The following IRAK4 variants were observed in gnomAD, a reference collection of about 807,000 sequenced individuals.
IRAK4 encodes the protein interleukin-1 receptor-associated kinase 4.
Under a neutral mutation model 51.8 loss-of-function variants are expected in IRAK4, and 44 were observed. The ratio of observed to expected loss-of-function variants is 0.85; its 90% CI spans 0.67 to 1.09. The LOEUF (loss-of-function observed/expected upper bound fraction) is 1.09. Ranked by LOEUF, IRAK4 falls within the 50% of genes least tolerant of loss-of-function variation. IRAK4 has a pLI of 0.00. For synonymous variants in IRAK4, 149 were observed against 174.1 expected, an observed-to-expected ratio of 0.86 and a Z score of 1.13; for missense variants, 487 against 538.0, an observed-to-expected ratio of 0.91 and a Z score of 0.94.
Position 43,778,219 on chromosome 12 carries a change from C to T in IRAK4, c.858C>T (p.His286=). 6.2e-7 allele frequency: 1 copy of T among 1,608,872 alleles called. No homozygotes were observed. Among genetic ancestry groups the T allele is most frequent in the Non-Finnish European group, 8.5e-7 (1 of 1,175,332 alleles). Residue 286 remains histidine (H), a synonymous_variant, in exon 8 of 12, where the codon CAC becomes CAT. Transcript: ENST00000613694. ...CLDGTPPLSW[H]MRCKIAQGAA... ...ATGGTACTCCACCACTTTCTTGGCA[C>T]ATGAGATGCAAGATTGCTCAGGGTG...
chr12:43,775,601 A>T lies in IRAK4; in HGVS notation c.716+1572A>T, dbSNP rs548045244. ...CAACAGTCTAGCATATGTGAAAATC[A>T]TATTTTATTTAACCATAGCTAGGTT... On this transcript the variant is annotated intron_variant, in intron 6 of 11. Coordinates refer to ENST00000613694, the MANE Select transcript of IRAK4 (RefSeq NM_016123.4). Among the ~76,000 whole-genome samples, 35 of 152,312 alleles carry T rather than the reference A, an allele frequency of 2.3e-4. No homozygotes were observed. In the South Asian group the frequency reaches 6.4e-3, roughly 28 times the overall value.
intron 1 of IRAK4, among the ~76,000 whole-genome samples, chr12:43,760,106 C>T (rs4251425): frequency 0.072 from 10,905 of 152,188 alleles, 426 homozygotes; most frequent in Middle Eastern, 0.14. Context: ...AGTTTGCTTT[C>T]TACCTCTCCA....
Position 43,782,379 on chromosome 12 carries a change from G to A in IRAK4, c.1014G>A (p.Lys338=). 1 of 1,613,790 alleles carries A rather than the reference G, an allele frequency of 6.2e-7. No individual in the cohort carries two copies. The highest frequency in any genetic ancestry group is 8.5e-7 in the Non-Finnish European group (1 of 1,179,752). Reference sequence around the variant, plus strand: ...TTGGCCTTGCACGGGCTTCTGAGAAGTTTGCCCAGACAGTCATGACTAGCA... The same window carrying A: ...TTGGCCTTGCACGGGCTTCTGAGAAATTTGCCCAGACAGTCATGACTAGCA... ...SDFGLARASE[K]FAQTVMTSRI... The change falls in exon 9 of 12, where the codon AAG becomes AAA. Residue 338 remains lysine, a synonymous_variant. Coordinates refer to ENST00000613694, the MANE Select transcript of IRAK4 (RefSeq NM_016123.4).
At position 43,772,175 on chromosome 12, in the gene IRAK4, G is replaced by A; in HGVS notation, c.308-5G>A. On this transcript the variant is annotated splice_polypyrimidine_tract_variant and splice_region_variant and intron_variant, in intron 3 of 11. Transcript: ENST00000613694. ...AAACCACTTGTATCTTACTTCATTTGTTAGATGCTGTTCCCAAAACTGCTA... is the reference window on the plus strand; with the variant it reads ...AAACCACTTGTATCTTACTTCATTTATTAGATGCTGTTCCCAAAACTGCTA... 1 of 1,611,106 alleles carries A rather than the reference G, an allele frequency of 6.2e-7. No homozygotes were observed. The highest frequency in any genetic ancestry group is 8.5e-7 in the Non-Finnish European group (1 of 1,178,328).
intron 1 of IRAK4, among the ~76,000 whole-genome samples, chr12:43,759,823 G>A (rs1592199603): frequency 1.3e-5 from 2 of 149,262 alleles, no homozygotes. Flanking sequence ...AGCCGAGATC[G>A]TGCCACTACA....
rs1457871960 is a variant in IRAK4, at chr12:43,773,973, C to T, written c.660C>T (p.Asp220=). The change falls in exon 6 of 12, where the codon GAC becomes GAT. Residue 220 remains aspartate, a synonymous_variant. Coordinates refer to ENST00000613694, the MANE Select transcript of IRAK4 (RefSeq NM_016123.4). ...VAVKKLAAMV[D]ITTEELKQQF... is the part of the protein sequence containing the mutation. ...ATATTTTATTTTTTCAGATGGTTGA[C>T]ATTACTACTGAAGAACTGAAACAGC... is the stretch of plus-strand genomic sequence containing the variant. 6.3e-7 allele frequency: 1 copy of T among 1,599,930 alleles called. No individual in the cohort carries two copies.
chr12:43,781,198 T>A (rs1220816712), intron 8 of IRAK4, among the ~76,000 whole-genome samples: 19 of 152,216 alleles, frequency 1.2e-4, no homozygotes, highest in Non-Finnish European at 2.8e-4. Flanking sequence ...AAATTTTCAC[T>A]TTCCATTTAT....
intron 10 of IRAK4, 110 bp downstream of exon 10, chr12:43,783,834 C>A: frequency 1.3e-6 from 1 of 743,716 alleles, no homozygotes; most frequent in Non-Finnish European, 2.4e-6. Flanking sequence ...GCAATCTTTC[C>A]ATTGGCTATT....
At chr12:43,766,299 T>C (rs1940142577) in intron 1 of IRAK4, among the ~76,000 whole-genome samples, 1 of 152,172 alleles carries the variant, frequency 6.6e-6, no homozygotes, top group Non-Finnish European at 1.5e-5. Context: ...TCCCATGCTA[T>C]TCCCTCTGCC....
At position 43,772,318 on chromosome 12, in the gene IRAK4, ACTC is replaced by A. The variant is rs556809469; in HGVS notation, c.450_452del (p.Ser152del). On this transcript the variant is annotated inframe_deletion, in exon 4 of 12. Coordinates refer to ENST00000613694, the MANE Select transcript of IRAK4 (RefSeq NM_016123.4). ...CTTGAACAAAGCTATATGCCACCTG[ACTC>A]CTCAAGTCCAGAAAATAAAAGTTTA... is the stretch of plus-strand genomic sequence containing the variant. The A allele has an allele frequency of 9.8e-5, 158 of 1,613,600 alleles. 3 individuals are homozygous for A. The South Asian group carries it at 1.6e-3, about 16-fold the overall frequency.
intron 6 of IRAK4, among the ~76,000 whole-genome samples, chr12:43,777,096 TAGAA>T (rs1024645451): frequency 2.0e-5 from 3 of 152,168 alleles, no homozygotes; most frequent in South Asian, 2.1e-4. Context: ...TACTGTAAAA[TAGAA>T]AGAGGTTTGG....
At chr12:43,760,010 G>T (rs142026399) in intron 1 of IRAK4, among the ~76,000 whole-genome samples, 152 of 152,278 alleles carry the variant, frequency 1.0e-3, no homozygotes, top group African/African-American at 3.4e-3. Flanking sequence ...ACTAAAATCT[G>T]CCTTTTCCCT....
Position 43,777,608 on chromosome 12 carries a change from C to T in IRAK4, c.717-22C>T, listed in dbSNP as rs373959211. 102 of 1,586,178 alleles carry T rather than the reference C, an allele frequency of 6.4e-5. No individual in the cohort carries two copies. The African/African-American group carries it at 1.1e-3, about 18-fold the overall frequency. ...ATATATATTTATTATAATAATTTTG[C>T]ATGAAAAATTATTTGTCACAGGTGT... On this transcript the variant is annotated intron_variant, in intron 6 of 11. Coordinates refer to ENST00000613694, the MANE Select transcript of IRAK4 (RefSeq NM_016123.4).
At chr12:43,766,547 A>G (rs1940170727) in intron 1 of IRAK4, among the ~76,000 whole-genome samples, 1 of 152,170 alleles carries the variant, frequency 6.6e-6, no homozygotes, top group South Asian at 2.1e-4. Context: ...TGTTAGTACA[A>G]AGACTGACAT....
At chr12:43,762,863 G>A (rs1939712480) in intron 1 of IRAK4, among the ~76,000 whole-genome samples, 1 of 152,158 alleles carries the variant, frequency 6.6e-6, no homozygotes, top group Non-Finnish European at 1.5e-5. Flanking sequence ...AAAAATAACA[G>A]TATGTGGGAA....
intron 1 of IRAK4, among the ~76,000 whole-genome samples, chr12:43,765,669 C>T (rs1940059229): frequency 6.6e-6 from 1 of 151,530 alleles, no homozygotes; most frequent in South Asian, 2.1e-4. Context: ...GGTTTTTGCA[C>T]GATATGCATT....
Position 43,772,907 on chromosome 12 carries a change from C to T in IRAK4, c.491-5C>T. ...TTTAAGCATGTTTTTCTTATTTTGA[C>T]ATAGGTTTTCACAGTTTTTCATTTT... On this transcript the variant is annotated splice_polypyrimidine_tract_variant and splice_region_variant and intron_variant, in intron 4 of 11. Transcript: ENST00000613694. The T allele has an allele frequency of 6.3e-7, 1 of 1,595,092 alleles. No individual in the cohort carries two copies. The highest frequency in any genetic ancestry group is 8.6e-7 in the Non-Finnish European group (1 of 1,167,822).
At chr12:43,761,929 G>C (rs1039683811) in intron 1 of IRAK4, among the ~76,000 whole-genome samples, 1 of 152,180 alleles carries the variant, frequency 6.6e-6, no homozygotes, top group African/African-American at 2.4e-5. Context: ...TGAGGAAACA[G>C]TCATGAAGGT....
At chr12:43,774,104 G>A (rs1001144917) in intron 6 of IRAK4, 75 bp downstream of exon 6, 3 of 969,954 alleles carry the variant, frequency 3.1e-6, no homozygotes, top group East Asian at 4.8e-5. Flanking sequence ...TCACTCTAGA[G>A]TATGCCATGA....
Sources: gnomAD v4.1 joint callset for allele counts (sites outside exome capture counted in the v4.1 genomes callset) on GRCh38, gnomAD v4.1.1 for gene constraint, MANE v1.5 for transcripts, NCBI Gene and HGNC (gene_info 2026-07-23, HGNC 2026-07-21) for gene names.